The following TIPIN variants were observed in gnomAD, a reference collection of about 807,000 sequenced individuals.
The protein encoded by TIPIN is TIMELESS interacting protein, also known as TIMELESS-interacting protein.
TIPIN carries 29 observed loss-of-function variants against 35.6 expected under a neutral mutation model. The ratio of observed to expected loss-of-function variants is 0.82; its 90% CI spans 0.61 to 1.11. The LOEUF is 1.11. TIPIN is among the 50% of genes most tolerant of loss of function. The probability of loss-of-function intolerance (pLI) is 0.00; values close to 1 mark genes in which losing one functional copy is unlikely to be tolerated. For missense variants in TIPIN, 296 were observed against 345.4 expected, an observed-to-expected ratio of 0.86 and a Z score of 1.13; for synonymous variants, 102 against 121.5, an observed-to-expected ratio of 0.84 and a Z score of 1.06.
At chr15:66,372,032 C>A (rs1489901944) in intron 1 of TIPIN, among the ~76,000 whole-genome samples, 2 of 151,928 alleles carry the variant, frequency 1.3e-5, no homozygotes, top group African/African-American at 4.8e-5. Context: ...CGAGCTCAAG[C>A]GATCCACCCA....
chr15:66,385,270 C>A (rs2093332858), intron 1 of TIPIN, among the ~76,000 whole-genome samples: 1 of 152,178 alleles, frequency 6.6e-6, no homozygotes, highest in South Asian at 2.1e-4. Context: ...GCTAGGTCAC[C>A]AACACCTGGC....
intron 1 of TIPIN, among the ~76,000 whole-genome samples, chr15:66,369,087 C>T (rs1254754596): frequency 6.6e-6 from 1 of 152,118 alleles, no homozygotes; most frequent in Non-Finnish European, 1.5e-5. Flanking sequence ...GCAAAAGCCG[C>T]ATCTCAGGTG....
intron 1 of TIPIN, among the ~76,000 whole-genome samples, chr15:66,384,909 C>T (rs905184254): frequency 6.6e-6 from 1 of 152,002 alleles, no homozygotes; most frequent in Non-Finnish European, 1.5e-5. Context: ...CAAAACGCCA[C>T]TCAAAAACAA....
At chr15:66,345,345 A>C (rs1011993239) in intron 6 of TIPIN, among the ~76,000 whole-genome samples, 1 of 152,094 alleles carries the variant, frequency 6.6e-6, no homozygotes, top group Non-Finnish European at 1.5e-5. Context: ...TGGGAGGCCA[A>C]GGCAGACTGT....
chr15:66,367,193 T>TATCTATATCTA (rs2093258571), intron 1 of TIPIN, among the ~76,000 whole-genome samples: 1 of 106,838 alleles, frequency 9.4e-6, no homozygotes, highest in African/African-American at 5.3e-5. Context: ...AAAAAATCTA[T>TATCTATATCTA]ATCTATATCT....
intron 1 of TIPIN, among the ~76,000 whole-genome samples, chr15:66,362,862 C>T (rs1319430046): frequency 6.6e-6 from 1 of 152,152 alleles, no homozygotes; most frequent in Non-Finnish European, 1.5e-5. Flanking sequence ...GGATTTATCA[C>T]TTGTGTAAGT....
At chr15:66,353,163 T>G (rs941274306) in intron 1 of TIPIN, among the ~76,000 whole-genome samples, 15 of 152,140 alleles carry the variant, frequency 9.9e-5, no homozygotes, top group Non-Finnish European at 1.9e-4. Flanking sequence ...ACTAAATAAC[T>G]ATATCATTTT....
At chr15:66,347,519 TC>T (rs1374812531) in intron 6 of TIPIN, among the ~76,000 whole-genome samples, 1 of 152,212 alleles carries the variant, frequency 6.6e-6, no homozygotes, top group Non-Finnish European at 1.5e-5. Flanking sequence ...GATCAGTGGG[TC>T]ACCAGAGTTT....
intron 1 of TIPIN, chr15:66,366,823 A>G: frequency 2.0e-6 from 2 of 984,730 alleles, no homozygotes; most frequent in Non-Finnish European, 2.4e-6. Context: ...AGAAATTCCA[A>G]GGAAGCAGTG....
intron 1 of TIPIN, among the ~76,000 whole-genome samples, chr15:66,373,955 G>A (rs555458378): frequency 1.3e-5 from 2 of 152,146 alleles, no homozygotes; most frequent in Non-Finnish European, 2.9e-5. Context: ...CTTTTGACTC[G>A]CCTTCCCAAA....
chr15:66,363,971 A>C (rs2093242230), intron 1 of TIPIN, among the ~76,000 whole-genome samples: 1 of 151,378 alleles, frequency 6.6e-6, no homozygotes, highest in Admixed American at 6.6e-5. Flanking sequence ...CAACAGAGCG[A>C]GACTCTTTCT....
In TIPIN at chr15:66,338,205, G is replaced by A. The variant is rs1314684980; in HGVS notation, c.683-1024C>T. Among the ~76,000 whole-genome samples the A allele has an allele frequency of 5.3e-5, 8 of 150,218 alleles. No homozygotes were observed. The East Asian group carries it at 6.0e-4, about 11-fold the overall frequency. Reference sequence around the variant, plus strand: ...TAGGAGGCGGAGGTTGCAGTGGGCCGAGATCAGCAACTGCACTCCAGCCTG... The same window carrying A: ...TAGGAGGCGGAGGTTGCAGTGGGCCAAGATCAGCAACTGCACTCCAGCCTG... On this transcript the variant is annotated intron_variant, in intron 7 of 7. Transcript: ENST00000261881.
intron 1 of TIPIN, among the ~76,000 whole-genome samples, chr15:66,373,983 A>G (rs572009142): frequency 6.6e-6 from 1 of 152,210 alleles, no homozygotes. Context: ...GTTTACAGGC[A>G]TGAGCTGCCA....
At chr15:66,361,926 C>T (rs140113411) in intron 1 of TIPIN, among the ~76,000 whole-genome samples, 2,336 of 152,114 alleles carry the variant, frequency 0.015, 61 homozygotes, top group African/African-American at 0.054. Context: ...ATGCAGTGAG[C>T]CGAGATTGTG....
At chr15:66,362,011 C>G (rs536672229) in intron 1 of TIPIN, among the ~76,000 whole-genome samples, 2 of 147,812 alleles carry the variant, frequency 1.4e-5, no homozygotes, top group Admixed American at 6.8e-5. Context: ...TGAGGCTGGG[C>G]GCGGTGGCTC....
chr15:66,347,209 T>C (rs1395398407), intron 6 of TIPIN: 1 of 513,842 alleles, frequency 1.9e-6, no homozygotes, highest in Non-Finnish European at 3.9e-6. Flanking sequence ...AAAACAAACA[T>C]GTATGGAGCC....
chr15:66,371,679 A>C (rs1595816960), intron 1 of TIPIN, among the ~76,000 whole-genome samples: 1 of 151,836 alleles, frequency 6.6e-6, no homozygotes, highest in Non-Finnish European at 1.5e-5. Context: ...ATGCCTGGCT[A>C]ATTTTTTTTT....
At chr15:66,340,026 A>G (rs1035337764) in intron 7 of TIPIN, among the ~76,000 whole-genome samples, 10 of 149,924 alleles carry the variant, frequency 6.7e-5, no homozygotes, top group Admixed American at 2.0e-4. Flanking sequence ...GGTACACACC[A>G]CCATGCCCGG....
intron 1 of TIPIN, among the ~76,000 whole-genome samples, chr15:66,377,861 T>C (rs1236755075): frequency 1.3e-5 from 2 of 152,026 alleles, no homozygotes; most frequent in Non-Finnish European, 2.9e-5. Context: ...TTTTTTTTTT[T>C]CTTGAGACGG....
Sources: allele counts gnomAD v4.1 joint callset (sites outside exome capture counted in the v4.1 genomes callset), GRCh38; gene constraint gnomAD v4.1.1; transcripts MANE v1.5; gene names NCBI Gene and HGNC (gene_info 2026-07-23, HGNC 2026-07-21).